ARIH1: variants seen among roughly 807,000 people sequenced by gnomAD.
ARIH1 encodes the protein E3 ubiquitin-protein ligase ARIH1.
Under a neutral mutation model 85.0 loss-of-function variants are expected in ARIH1, and 8 were observed. That is an observed-to-expected ratio of 0.09 (90% CI 0.06 to 0.17). The LOEUF (loss-of-function observed/expected upper bound fraction) is 0.17, where lower values mean the gene tolerates loss of function less well. Among genes scored for constraint, ARIH1 ranks in the 10% least tolerant of loss-of-function variants. The pLI, the probability that ARIH1 is intolerant of heterozygous loss-of-function variation, is 1.00. For synonymous variants in ARIH1, 238 were observed against 253.6 expected (o/e 0.94, Z 0.59); for missense variants, 311 against 718.1 (o/e 0.43, Z 6.48).
chr15:72,501,620 A>G (rs1035464017), intron 1 of ARIH1, among the ~76,000 whole-genome samples: 1 of 152,236 alleles, frequency 6.6e-6, no homozygotes, highest in African/African-American at 2.4e-5. Flanking sequence ...GTTTGGTGGA[A>G]CATTTTTAGT....
chr15:72,484,277 A>G (rs926837953), intron 1 of ARIH1, among the ~76,000 whole-genome samples: 13 of 151,982 alleles, frequency 8.6e-5, no homozygotes, highest in African/African-American at 2.9e-4. Flanking sequence ...AAAAAATTTT[A>G]TTTCCCTAGG....
intron 1 of ARIH1, among the ~76,000 whole-genome samples, chr15:72,488,601 A>G (rs2063846725): frequency 6.6e-6 from 1 of 152,214 alleles, no homozygotes; most frequent in Non-Finnish European, 1.5e-5. Context: ...GGTGAGAACT[A>G]AAACTCCTTC....
intron 2 of ARIH1, among the ~76,000 whole-genome samples, chr15:72,525,860 C>A (rs2064025313): frequency 2.0e-5 from 3 of 151,604 alleles, no homozygotes. Context: ...AGGCTGGTCT[C>A]AAACTCCTAG....
chr15:72,546,867 G>C lies in ARIH1; in HGVS notation c.588+1903G>C, dbSNP rs567740253. Among the ~76,000 whole-genome samples the C allele has an allele frequency of 6.4e-3, 967 of 149,972 alleles. 4 individuals carry two copies. The highest frequency in any genetic ancestry group is 0.012 in the Non-Finnish European group (789 of 67,782). On this transcript the variant is annotated intron_variant, in intron 3 of 13. Transcript: ENST00000379887. ...GGCCTCTGAAAGTGCTGGCATTATA[G>C]GTGTGAGCCACCACGCTCCTCCAGT...
chr15:72,549,202 C>T (rs1388513409), intron 3 of ARIH1, among the ~76,000 whole-genome samples: 2 of 151,758 alleles, frequency 1.3e-5, no homozygotes, highest in African/African-American at 4.8e-5. Flanking sequence ...ATTCTCCTGC[C>T]TCAGCCTCCC....
intron 1 of ARIH1, among the ~76,000 whole-genome samples, chr15:72,513,552 C>T (rs1244848451): frequency 2.0e-5 from 3 of 152,178 alleles, no homozygotes; most frequent in South Asian, 4.2e-4. Flanking sequence ...AATATTTACC[C>T]AGGTATTTAC....
At chr15:72,475,339 A>G (rs1054630180) in intron 1 of ARIH1, among the ~76,000 whole-genome samples, 4 of 152,130 alleles carry the variant, frequency 2.6e-5, no homozygotes, top group African/African-American at 7.2e-5. Context: ...GCGATCGCCT[A>G]CTGGGGCGGG....
Position 72,587,550 on chromosome 15 carries a change from G to A in ARIH1, c.*4258G>A, listed in dbSNP as rs2064322765. On this transcript the variant is annotated 3_prime_UTR_variant, in exon 14 of 14. Coordinates refer to ENST00000379887, the MANE Select transcript of ARIH1 (RefSeq NM_005744.5). Reference sequence around the variant, plus strand: ...GATAGTCTGCAGGAAATTGTTACAGGATGCACAGAACATCCCATATCCATT... The same window carrying A: ...GATAGTCTGCAGGAAATTGTTACAGAATGCACAGAACATCCCATATCCATT... 2.6e-5 allele frequency: 6 copies of A among 233,822 alleles called. No individual in the cohort carries two copies. In the South Asian group the frequency reaches 3.0e-4, roughly 12 times the overall value. 14.5% of individuals were successfully genotyped at this position (233,822 alleles called of 1,614,324 possible). A position where few individuals can be genotyped will look rare whatever the true frequency, so the allele number is the denominator to read the frequency against.
intron 7 of ARIH1, 64 bp from the exon 8 acceptor site, chr15:72,566,499 G>A (rs1176298368): frequency 2.3e-6 from 3 of 1,304,698 alleles, no homozygotes; most frequent in Non-Finnish European, 3.3e-6. Flanking sequence ...TGAAATGATT[G>A]GCTTATTTAC....
intron 3 of ARIH1, among the ~76,000 whole-genome samples, chr15:72,546,059 C>T (rs1306951716): frequency 6.6e-6 from 1 of 152,130 alleles, no homozygotes; most frequent in African/African-American, 2.4e-5. Context: ...ATGGGGGTCT[C>T]ACTATGCTAC....
At chr15:72,506,367 A>AAAAAAAAAAAAAAAG (rs1555485516) in intron 1 of ARIH1, among the ~76,000 whole-genome samples, 1 of 140,760 alleles carries the variant, frequency 7.1e-6, no homozygotes, top group Non-Finnish European at 1.6e-5. Context: ...AAAAAAAAAG[A>AAAAAAAAAAAAAAAG]AAAAAAAAAA....
chr15:72,577,327 AGTTATTTTAAAAAATT>A (rs1316452299), intron 11 of ARIH1, among the ~76,000 whole-genome samples: 2 of 152,118 alleles, frequency 1.3e-5, no homozygotes, highest in Non-Finnish European at 2.9e-5. Context: ...CTAGGAAAAA[AGTTATTTTAAAAAATT>A]GTGAAGAAGA....
Position 72,517,388 on chromosome 15 carries a change from G to A in ARIH1, c.376-679G>A, listed in dbSNP as rs144425763. 1.4e-4 allele frequency among the ~76,000 whole-genome samples: 22 copies of A among 152,120 alleles called. No individual in the cohort carries two copies. In the East Asian group the frequency reaches 4.2e-3, roughly 29 times the overall value. On this transcript the variant is annotated intron_variant, in intron 1 of 13. Transcript: ENST00000379887. ...AGTGGTTAGGACTATAGGCACATGC[G>A]ATCGTGCCTGAGTGTTGGAAATTTT...
In ARIH1 at chr15:72,592,935, A is replaced by C. The variant is rs2064348757; in HGVS notation, c.*9643A>C. ...CATCTTCACTTGTCTTGGATAAATA[A>C]GAGTAGAAAATTACTGGGTCATATG... On this transcript the variant is annotated 3_prime_UTR_variant, in exon 14 of 14. Transcript: ENST00000379887. 1 of 152,150 alleles carries C rather than the reference A, an allele frequency of 6.6e-6. No homozygotes were observed. Among genetic ancestry groups the C allele is most frequent in the Non-Finnish European group, 1.5e-5 (1 of 68,010 alleles). The allele number at this position is 152,150 out of a possible 1,614,324, so 9.4% of individuals were successfully genotyped here. A position where few individuals can be genotyped will look rare whatever the true frequency, so the allele number is the denominator to read the frequency against.
chr15:72,516,110 A>C (rs1443936567), intron 1 of ARIH1, among the ~76,000 whole-genome samples: 1 of 152,166 alleles, frequency 6.6e-6, no homozygotes, highest in East Asian at 1.9e-4. Context: ...GTGGCTAGAA[A>C]CAATATTTGG....
intron 2 of ARIH1, among the ~76,000 whole-genome samples, chr15:72,523,169 G>A (rs1283620493): frequency 2.0e-5 from 3 of 152,190 alleles, no homozygotes; most frequent in African/African-American, 7.2e-5. Flanking sequence ...TGAAAACTGT[G>A]TCCATACAAA....
At chr15:72,560,501 T>A (rs892779696) in intron 5 of ARIH1, among the ~76,000 whole-genome samples, 1 of 152,206 alleles carries the variant, frequency 6.6e-6, no homozygotes, top group Non-Finnish European at 1.5e-5. Flanking sequence ...TTCAAAGAAT[T>A]TACCTTCAAT....
chr15:72,545,231 A>AC (rs2140424061), intron 3 of ARIH1, among the ~76,000 whole-genome samples: 1 of 152,316 alleles, frequency 6.6e-6, no homozygotes, highest in South Asian at 2.1e-4. Context: ...TTATTCTATC[A>AC]CCATGGGAGA....
chr15:72,554,842 C>A (rs1295676928), intron 3 of ARIH1, among the ~76,000 whole-genome samples: 1 of 152,126 alleles, frequency 6.6e-6, no homozygotes, highest in Non-Finnish European at 1.5e-5. Context: ...CAACCTCCGC[C>A]TCCCAGGCTC....
Sources: gnomAD v4.1 joint callset for allele counts (sites outside exome capture counted in the v4.1 genomes callset) on GRCh38, gnomAD v4.1.1 for gene constraint, MANE v1.5 for transcripts, NCBI Gene and HGNC (gene_info 2026-07-23, HGNC 2026-07-21) for gene names.